LRGUK: variants seen among roughly 807,000 people sequenced by gnomAD.
LRGUK encodes leucine rich repeats and guanylate kinase domain containing.
LRGUK carries 65 observed loss-of-function variants against 76.0 expected under a neutral mutation model. That is an observed-to-expected ratio of 0.85 (90% CI 0.70 to 1.05). The LOEUF (loss-of-function observed/expected upper bound fraction) is 1.05, where lower values mean the gene tolerates loss of function less well. Ranked by LOEUF, LRGUK falls within the 50% of genes least tolerant of loss-of-function variation. LRGUK has a pLI of 0.00. For synonymous variants in LRGUK, 268 were observed against 265.6 expected, an observed-to-expected ratio of 1.01 and a Z score of -0.09; for missense variants, 758 against 732.8, an observed-to-expected ratio of 1.03 and a Z score of -0.40.
At chr7:134,271,367 C>A in the LRGUK span, among the ~76,000 whole-genome samples, 183 of 151,660 alleles carry the variant, frequency 1.2e-3, no homozygotes, top group African/African-American at 4.1e-3. Flanking sequence ...TTATGAGTTT[C>A]TTTTTTATCC....
intron 4 of LRGUK, among the ~76,000 whole-genome samples, chr7:134,143,968 T>C (rs1007569582): frequency 2.2e-4 from 34 of 152,202 alleles, no homozygotes; most frequent in African/African-American, 7.0e-4. Flanking sequence ...GAGAAGTGGT[T>C]CCCACACTCT....
intron 19 of LRGUK, among the ~76,000 whole-genome samples, chr7:134,262,893 C>G (rs949085110): frequency 6.8e-6 from 1 of 147,694 alleles, no homozygotes; most frequent in African/African-American, 2.5e-5. Flanking sequence ...ATCATTTGAA[C>G]CCGGGAGGTG....
At chr7:134,146,325 G>A (rs914936987) in intron 4 of LRGUK, among the ~76,000 whole-genome samples, 3 of 151,930 alleles carry the variant, frequency 2.0e-5, no homozygotes, top group African/African-American at 4.8e-5. Context: ...TAGTATTAGC[G>A]TTTGCCCTGA....
chr7:134,145,250 CTT>C (rs201453409), intron 4 of LRGUK, among the ~76,000 whole-genome samples: 1 of 151,352 alleles, frequency 6.6e-6, no homozygotes, highest in Non-Finnish European at 1.5e-5. Flanking sequence ...CTTTTCTTTT[CTT>C]TTCTTTTTTT....
chr7:134,240,873 G>A (rs1317282155), intron 16 of LRGUK, among the ~76,000 whole-genome samples: 1 of 152,186 alleles, frequency 6.6e-6, no homozygotes, highest in Non-Finnish European at 1.5e-5. Flanking sequence ...AACTCTACAA[G>A]CCAGAAGAGA....
chr7:134,137,109 C>A, exon 2 of LRGUK: 1 of 1,611,762 alleles, frequency 6.2e-7, no homozygotes, highest in Non-Finnish European at 8.5e-7. Context: ...CTGAGCAAGT[C>A]TACCTCAATC....
In LRGUK at chr7:134,228,820, T is replaced by C. The variant is rs372873038; in HGVS notation, c.1983+6902T>C. Among the ~76,000 whole-genome samples the C allele has an allele frequency of 3.3e-5, 5 of 152,130 alleles. No individual in the cohort carries two copies. In the East Asian group the frequency reaches 7.7e-4, roughly 23 times the overall value. On this transcript the variant is annotated intron_variant, in intron 16 of 19. Coordinates refer to the LRGUK transcript ENST00000285928. ...TTTGATGAGTCAAGAAAACATATTT[T>C]AATCTCTAGGATGATACTAAAAGAA...
exon 20 of LRGUK, chr7:134,264,027 G>A (rs761219088): frequency 7.1e-6 from 11 of 1,541,972 alleles, no homozygotes; most frequent in South Asian, 5.2e-5. Flanking sequence ...TGCTGATGTC[G>A]AATTCCTTGC....
intron 16 of LRGUK, among the ~76,000 whole-genome samples, chr7:134,240,831 C>A (rs1203688779): frequency 1.3e-5 from 2 of 152,186 alleles, no homozygotes; most frequent in African/African-American, 4.8e-5. Flanking sequence ...CAAAGGGAAG[C>A]CCATCAGAAT....
chr7:134,253,922 A>G (rs1210502941), intron 18 of LRGUK, among the ~76,000 whole-genome samples: 1 of 152,224 alleles, frequency 6.6e-6, no homozygotes, highest in Non-Finnish European at 1.5e-5. Context: ...ATCAAATTTA[A>G]AAGAAAAACA....
exon 16 of LRGUK, chr7:134,209,578 C>T: frequency 2.5e-6 from 1 of 398,782 alleles, no homozygotes; most frequent in Non-Finnish European, 4.4e-6. Flanking sequence ...TGCTGGCTCC[C>T]CTCCAGAGCA....
exon 13 of LRGUK, chr7:134,197,065 C>A: frequency 6.2e-7 from 1 of 1,611,634 alleles, no homozygotes; most frequent in South Asian, 1.1e-5. Flanking sequence ...GAAGGTATCG[C>A]AAGAGATGGT....
In LRGUK at chr7:134,163,387, T is replaced by G; in HGVS notation, c.796-10T>G. 3 of 1,596,386 alleles carry G rather than the reference T, an allele frequency of 1.9e-6. No individual in the cohort carries two copies. The highest frequency in any genetic ancestry group is 2.6e-6 in the Non-Finnish European group (3 of 1,170,932). On this transcript the variant is annotated splice_polypyrimidine_tract_variant and intron_variant, in intron 6 of 15. Transcript: ENST00000645682. ...CTTTGAGACATTAAATATATTTTTT[T>G]CTGTTTTAGAGCAATAACCAGATTG... is the stretch of plus-strand genomic sequence containing the variant.
At chr7:134,242,822 A>G (rs1802198442) in intron 16 of LRGUK, among the ~76,000 whole-genome samples, 1 of 152,108 alleles carries the variant, frequency 6.6e-6, no homozygotes, top group African/African-American at 2.4e-5. Flanking sequence ...CTGGCAAACC[A>G]AATTCAGCAG....
chr7:134,188,731 G>A (rs1800077005), intron 11 of LRGUK, among the ~76,000 whole-genome samples: 2 of 152,100 alleles, frequency 1.3e-5, no homozygotes, highest in South Asian at 4.2e-4. Flanking sequence ...CTGGGCTTTT[G>A]TGGCTACCCA....
downstream of LRGUK, among the ~76,000 whole-genome samples, chr7:134,213,905 T>C (rs1399088700): frequency 6.6e-6 from 1 of 152,224 alleles, no homozygotes; most frequent in African/African-American, 2.4e-5. Flanking sequence ...TCATTCCCAT[T>C]TGATATGTTG....
At chr7:134,247,404 C>T in intron 16 of LRGUK, 152 bp from the exon 17 acceptor site, 2 of 496,270 alleles carry the variant, frequency 4.0e-6, no homozygotes, top group South Asian at 3.9e-5. Flanking sequence ...TTTCTTTTTC[C>T]TGAGTGAATA....
intron 4 of LRGUK, among the ~76,000 whole-genome samples, chr7:134,147,623 C>A (rs1798030001): frequency 6.6e-6 from 1 of 151,928 alleles, no homozygotes; most frequent in African/African-American, 2.4e-5. Context: ...GAAGGAAGAC[C>A]AAGGAAATTT....
chr7:134,201,943 G>T (rs1800789851), intron 15 of LRGUK, among the ~76,000 whole-genome samples: 1 of 152,158 alleles, frequency 6.6e-6, no homozygotes, highest in Non-Finnish European at 1.5e-5. Context: ...TAGTCTGAGA[G>T]TTTTCTTTCC....
Sources: gnomAD v4.1 joint callset for allele counts (sites outside exome capture counted in the v4.1 genomes callset) on GRCh38, gnomAD v4.1.1 for gene constraint, MANE v1.5 for transcripts, NCBI Gene and HGNC (gene_info 2026-07-23, HGNC 2026-07-21) for gene names.